STAMBPL1: variants seen among roughly 807,000 people sequenced by gnomAD.
STAMBPL1 encodes the protein STAM binding protein like 1.
STAMBPL1 carries 44 observed loss-of-function variants against 52.9 expected under a neutral mutation model. The observed-to-expected ratio is 0.83, with a 90% CI of 0.65 to 1.07. STAMBPL1 has a LOEUF of 1.07. STAMBPL1 is among the 50% of genes least tolerant of loss of function. STAMBPL1 has a pLI of 0.00. For missense variants in STAMBPL1, 511 were observed against 520.8 expected, an observed-to-expected ratio of 0.98 and a Z score of 0.18; for synonymous variants, 164 against 177.3, an observed-to-expected ratio of 0.92 and a Z score of 0.60.
At chr10:88,897,642 C>G (rs1241763327) in intron 1 of STAMBPL1, among the ~76,000 whole-genome samples, 1 of 152,174 alleles carries the variant, frequency 6.6e-6, no homozygotes, top group African/African-American at 2.4e-5. Context: ...TTAAGCCACT[C>G]TAAAAGCAGC....
chr10:88,912,798 G>A (rs1564631568), intron 5 of STAMBPL1: 1 of 277,858 alleles, frequency 3.6e-6, no homozygotes, highest in Non-Finnish European at 6.8e-6. Flanking sequence ...TTGTTGGTCT[G>A]ACTGAGCAAA....
intron 9 of STAMBPL1, 84 bp downstream of exon 9, chr10:88,921,479 T>A: frequency 9.0e-7 from 1 of 1,110,610 alleles, no homozygotes; most frequent in Non-Finnish European, 1.4e-6. Flanking sequence ...CAGGTTGTGG[T>A]ACTTGGATTG....
intron 1 of STAMBPL1, among the ~76,000 whole-genome samples, chr10:88,890,325 T>C (rs1421296693): frequency 6.6e-6 from 1 of 152,212 alleles, no homozygotes; most frequent in Non-Finnish European, 1.5e-5. Flanking sequence ...ATCAGGTTTT[T>C]AAAAGATCAC....
rs142674658 is a variant in STAMBPL1 at position 88,902,805 on chromosome 10, G to A, written c.30+1067G>A. On this transcript the variant is annotated intron_variant, in intron 2 of 10. Transcript: ENST00000371926. ...AAGATGGTCTCCATCTCCTGACCTC[G>A]TGATCAGCCCACCTCGGCCTCCCAG... is the stretch of plus-strand genomic sequence containing the variant. Among the ~76,000 whole-genome samples the A allele has an allele frequency of 9.9e-3, 1,510 of 152,260 alleles. 32 individuals are homozygous for A. The highest frequency in any genetic ancestry group is 0.034 in the African/African-American group (1,425 of 41,554).
intron 8 of STAMBPL1, among the ~76,000 whole-genome samples, chr10:88,920,206 G>T (rs1845474940): frequency 6.6e-6 from 1 of 152,132 alleles, no homozygotes; most frequent in Non-Finnish European, 1.5e-5. Flanking sequence ...TTGTGTAAAG[G>T]CATTTAGCTA....
In STAMBPL1 at chr10:88,913,124, C is replaced by T; in HGVS notation, c.444C>T (p.Leu148=). Residue 148 remains leucine (L), a synonymous_variant, in exon 6 of 11, where the codon CTC becomes CTT. Transcript: ENST00000371926. ...QSKNKYKAEI[L]KKLEHQRLIE... ...AGAACAAATATAAAGCTGAAATTCTCAAAAAATTGGAGCATCAGAGATTGA... is the reference window on the plus strand; with the variant it reads ...AGAACAAATATAAAGCTGAAATTCTTAAAAAATTGGAGCATCAGAGATTGA... 5 of 1,598,114 alleles carry T rather than the reference C, an allele frequency of 3.1e-6. No homozygotes were observed. Among genetic ancestry groups the T allele is most frequent in the Non-Finnish European group, 4.3e-6 (5 of 1,172,830 alleles).
chr10:88,883,636 C>A (rs927306937), intron 1 of STAMBPL1, among the ~76,000 whole-genome samples: 1 of 152,224 alleles, frequency 6.6e-6, no homozygotes, highest in Non-Finnish European at 1.5e-5. Flanking sequence ...TAACATTTGG[C>A]ATACTGCTGA....
At chr10:88,892,983 T>C (rs1033228096) in intron 1 of STAMBPL1, among the ~76,000 whole-genome samples, 1 of 152,266 alleles carries the variant, frequency 6.6e-6, no homozygotes, top group Non-Finnish European at 1.5e-5. Context: ...AAGTATCTTT[T>C]GGATAGTATT....
chr10:88,891,919 C>A (rs1443940189), intron 1 of STAMBPL1, among the ~76,000 whole-genome samples: 1 of 151,806 alleles, frequency 6.6e-6, no homozygotes, highest in African/African-American at 2.4e-5. Context: ...ATCCATTTAG[C>A]CTTGGATTGT....
Position 88,913,417 on chromosome 10 carries a change from A to C in STAMBPL1, c.737A>C (p.Asn246Thr). Residue 246 changes from asparagine to threonine, a missense_variant, in exon 6 of 11, where the codon AAC (asparagine) becomes ACC (threonine). Around this residue, in one of 3 missense-constraint regions of STAMBPL1, gnomAD observed 358 missense variants for 343.5 expected, o/e 1.04. Transcript: ENST00000371926. ...TATGCTAGCCACTCTCCTCCTGTAA[A>C]CAGGGCCTTAACGCCAGCTGCTACT... ...TNYASHSPPV[N>T]RALTPAATLS... 6.2e-7 allele frequency: 1 copy of C among 1,613,536 alleles called. No homozygotes were observed. The highest frequency in any genetic ancestry group is 8.5e-7 in the Non-Finnish European group (1 of 1,179,704).
At chr10:88,889,588 A>T (rs969034651) in intron 1 of STAMBPL1, among the ~76,000 whole-genome samples, 1 of 152,180 alleles carries the variant, frequency 6.6e-6, no homozygotes, top group Admixed American at 6.5e-5. Flanking sequence ...TACTTGTTGA[A>T]AAGATTTTTA....
Position 88,912,173 on chromosome 10 carries a change from G to A in STAMBPL1, c.421-928G>A, listed in dbSNP as rs115320719. ...CATCATTTGGAAGCTTGTTAGACAC[G>A]CAGAATCTCAGGCCCCACCCCAGAC... On this transcript the variant is annotated intron_variant, in intron 5 of 10. Transcript: ENST00000371926. Among the ~76,000 whole-genome samples the A allele has an allele frequency of 7.7e-3, 1,173 of 152,252 alleles. 22 individuals carry two copies. The highest frequency in any genetic ancestry group is 0.027 in the African/African-American group (1,104 of 41,562).
intron 1 of STAMBPL1, among the ~76,000 whole-genome samples, chr10:88,881,530 A>G (rs1411504885): frequency 6.6e-6 from 1 of 152,160 alleles, no homozygotes; most frequent in African/African-American, 2.4e-5. Context: ...TACTGACAAT[A>G]ACATGAAGTC....
intron 7 of STAMBPL1, among the ~76,000 whole-genome samples, chr10:88,916,170 A>T (rs1336782526): frequency 6.6e-6 from 1 of 152,110 alleles, no homozygotes; most frequent in Non-Finnish European, 1.5e-5. Context: ...CCAGCATTCG[A>T]AGAATGTCTT....
intron 1 of STAMBPL1, among the ~76,000 whole-genome samples, chr10:88,883,550 A>G (rs572624900): frequency 2.0e-5 from 3 of 152,284 alleles, no homozygotes; most frequent in Non-Finnish European, 2.9e-5. Context: ...GTCAGAAATT[A>G]TTTGCATTTC....
At chr10:88,892,389 C>T (rs192563045) in intron 1 of STAMBPL1, among the ~76,000 whole-genome samples, 1 of 151,338 alleles carries the variant, frequency 6.6e-6, no homozygotes, top group Non-Finnish European at 1.5e-5. Context: ...GCCAGCACAC[C>T]CCTCCTCCAC....
chr10:88,916,844 T>G, intron 8 of STAMBPL1, 27 bp downstream of exon 8: 1 of 1,460,032 alleles, frequency 6.8e-7, no homozygotes, highest in South Asian at 1.4e-5. Flanking sequence ...GGGTTTCAGT[T>G]TTTTTGTGTG....
rs370904123 is a variant in STAMBPL1, at chr10:88,883,129, G to T, written c.-54+2491G>T. On this transcript the variant is annotated intron_variant, in intron 1 of 10. Coordinates refer to ENST00000371926, the MANE Select transcript of STAMBPL1 (RefSeq NM_020799.4). ...GCGGTGTTTGGTTTTTTGCCCTTGC[G>T]ATAGTTTGCTGAGAATGATGGTTTC... Among the ~76,000 whole-genome samples the T allele has an allele frequency of 4.0e-5, 6 of 150,758 alleles. No individual in the cohort carries two copies. The East Asian group carries it at 7.8e-4, about 20-fold the overall frequency.
intron 1 of STAMBPL1, among the ~76,000 whole-genome samples, chr10:88,899,520 T>G (rs1302572794): frequency 6.6e-6 from 1 of 152,192 alleles, no homozygotes; most frequent in African/African-American, 2.4e-5. Context: ...TTTAAATATT[T>G]TATTTTTGAG....
Sources: allele counts gnomAD v4.1 joint callset (sites outside exome capture counted in the v4.1 genomes callset), GRCh38; gene constraint gnomAD v4.1.1; regional missense constraint gnomAD v4.1.1; transcripts MANE v1.5; gene names NCBI Gene and HGNC (gene_info 2026-07-23, HGNC 2026-07-21).